Variants in CACNA2D4 observed in about 807,000 individuals in gnomAD.
The protein encoded by CACNA2D4 is calcium voltage-gated channel auxiliary subunit alpha2delta 4.
In CACNA2D4, 157 loss-of-function variants were observed where a neutral mutation model predicts 163.8. The ratio of observed to expected loss-of-function variants is 0.96; its 90% CI spans 0.84 to 1.09. CACNA2D4 has a LOEUF of 1.09. Among genes scored for constraint, CACNA2D4 ranks in the 50% least tolerant of loss-of-function variants. The probability of loss-of-function intolerance (pLI) is 0.00; values close to 1 mark genes in which losing one functional copy is unlikely to be tolerated. For synonymous variants in CACNA2D4, 598 were observed against 586.9 expected (o/e 1.02, Z -0.27); for missense variants, 1,410 against 1,479.9 (o/e 0.95, Z 0.78).
At chr12:1,890,682 C>T (rs1300303876) in intron 6 of CACNA2D4, among the ~76,000 whole-genome samples, 2 of 152,228 alleles carry the variant, frequency 1.3e-5, no homozygotes, top group Non-Finnish European at 2.9e-5. Context: ...GGGATCACCC[C>T]ACCCTTGCCT....
At chr12:1,838,385 C>T (rs924315650) in intron 26 of CACNA2D4, among the ~76,000 whole-genome samples, 1 of 152,220 alleles carries the variant, frequency 6.6e-6, no homozygotes, top group Non-Finnish European at 1.5e-5. Flanking sequence ...GGCGCTCACA[C>T]GCTTACAGTG....
At chr12:1,837,759 A>G (rs868597025) in intron 26 of CACNA2D4, among the ~76,000 whole-genome samples, 1 of 152,068 alleles carries the variant, frequency 6.6e-6, no homozygotes, top group Non-Finnish European at 1.5e-5. Flanking sequence ...TATAGCCCTA[A>G]TAATTATAGC....
In CACNA2D4 at chr12:1,854,874, A is replaced by G. The variant is rs560552207; in HGVS notation, c.2153-830T>C. ...CTTTATTGAGGTAAAATTCACATAAAATGAAACTGACCAATTTAAAGTATG... is the reference window on the plus strand; with the variant it reads ...CTTTATTGAGGTAAAATTCACATAAGATGAAACTGACCAATTTAAAGTATG... On this transcript the variant is annotated intron_variant, in intron 22 of 37. Transcript: ENST00000382722. Among the ~76,000 whole-genome samples, 4 of 152,314 alleles carry G rather than the reference A, an allele frequency of 2.6e-5. No individual in the cohort carries two copies. The South Asian group carries it at 8.3e-4, about 32-fold the overall frequency.
intron 27 of CACNA2D4, among the ~76,000 whole-genome samples, chr12:1,810,788 G>T (rs548037484): frequency 6.6e-6 from 1 of 152,188 alleles, no homozygotes; most frequent in Non-Finnish European, 1.5e-5. Flanking sequence ...TGTGTGAGGT[G>T]TGTGCATGTG....
chr12:1,907,641 G>A (rs961500890), intron 5 of CACNA2D4, 70 bp from the exon 6 acceptor site: 42 of 1,434,340 alleles, frequency 2.9e-5, no homozygotes, highest in Non-Finnish European at 3.8e-5. Context: ...GCCCGGTGAG[G>A]GTGCCTGGTG....
At chr12:1,861,079 C>A (rs183665254) in intron 18 of CACNA2D4, among the ~76,000 whole-genome samples, 22 of 152,336 alleles carry the variant, frequency 1.4e-4, no homozygotes, top group African/African-American at 5.3e-4. Flanking sequence ...ATTGGGAAAG[C>A]CACATTTTGC....
At position 1,806,978 on chromosome 12, in the gene CACNA2D4, G is replaced by A. The variant is rs559864538; in HGVS notation, c.2721+3300C>T. Reference sequence around the variant, plus strand: ...GGGTCGGTTGGTGGGAGTTGGTGGTGGGCAGACTCTAAAGTGGTTCACAAT... The same window carrying A: ...GGGTCGGTTGGTGGGAGTTGGTGGTAGGCAGACTCTAAAGTGGTTCACAAT... On this transcript the variant is annotated intron_variant, in intron 29 of 37. Coordinates refer to ENST00000382722, the MANE Select transcript of CACNA2D4 (RefSeq NM_172364.5). This position sits in a 1 kb window ranked among gnomAD's most constrained non-coding sequence, Gnocchi z 4.1. 9.7e-4 allele frequency among the ~76,000 whole-genome samples: 148 copies of A among 152,156 alleles called. No individual in the cohort carries two copies. The highest frequency in any genetic ancestry group is 3.3e-3 in the African/African-American group (136 of 41,538).
At chr12:1,826,891 C>A (rs1864354363) in intron 26 of CACNA2D4, among the ~76,000 whole-genome samples, 1 of 152,232 alleles carries the variant, frequency 6.6e-6, no homozygotes, top group Non-Finnish European at 1.5e-5. Flanking sequence ...AGCACTGAAG[C>A]TTCTCGGCAG....
intron 26 of CACNA2D4, among the ~76,000 whole-genome samples, chr12:1,824,821 G>A (rs1400624632): frequency 6.6e-6 from 1 of 152,176 alleles, no homozygotes; most frequent in Non-Finnish European, 1.5e-5. Context: ...ACTAGGGAGT[G>A]CTGGCTGCAG....
At chr12:1,847,144 C>T (rs766852576) in intron 23 of CACNA2D4, among the ~76,000 whole-genome samples, 6 of 152,186 alleles carry the variant, frequency 3.9e-5, no homozygotes, top group East Asian at 1.9e-4. Flanking sequence ...GCAGGCACTG[C>T]ATACACCCAC....
chr12:1,884,909 C>T (rs753661048), intron 10 of CACNA2D4, 28 bp from the exon 11 acceptor site: 3 of 1,607,060 alleles, frequency 1.9e-6, no homozygotes, highest in Admixed American at 3.3e-5. Flanking sequence ...GTGCCCATGA[C>T]CACAGGCCAA....
At chr12:1,814,731 T>C in intron 26 of CACNA2D4, among the ~76,000 whole-genome samples, 1 of 152,234 alleles carries the variant, frequency 6.6e-6, no homozygotes, top group East Asian at 1.9e-4. Context: ...CAAGCCAACA[T>C]TGCTCTCACT....
chr12:1,831,009 C>T (rs1864600073), intron 26 of CACNA2D4: 1 of 1,614,022 alleles, frequency 6.2e-7, no homozygotes, highest in Non-Finnish European at 8.5e-7. Context: ...GTGTGACAGC[C>T]GCAGCCTGGA....
chr12:1,801,457 T>C (rs1863325537), intron 30 of CACNA2D4, 117 bp downstream of exon 30: 1 of 882,884 alleles, frequency 1.1e-6, no homozygotes. Context: ...TGCAGCTCTT[T>C]GGGGGCACCC....
chr12:1,809,682 G>A, intron 29 of CACNA2D4: 1 of 638,318 alleles, frequency 1.6e-6, no homozygotes, highest in South Asian at 1.8e-5. Flanking sequence ...GATACCCACA[G>A]CCAGCGGGGG....
intron 3 of CACNA2D4, among the ~76,000 whole-genome samples, chr12:1,911,013 G>A (rs959791176): frequency 4.1e-5 from 6 of 144,936 alleles, no homozygotes; most frequent in Admixed American, 7.0e-5. Context: ...GTATTTTACC[G>A]CAATACAATT....
rs931572527 is a variant in CACNA2D4 at position 1,792,452 on chromosome 12, C to G, written c.*1203G>C. 1 of 152,070 alleles carries G rather than the reference C, an allele frequency of 6.6e-6. No individual in the cohort carries two copies. The highest frequency in any genetic ancestry group is 1.5e-5 in the Non-Finnish European group (1 of 68,038). The allele number at this position is 152,070 out of a possible 1,614,324, so 9.4% of individuals were successfully genotyped here. A position where few individuals can be genotyped will look rare whatever the true frequency, so the allele number is the denominator to read the frequency against. ...GTGGAGGCTGAGGGTGATGGAGGAG[C>G]GGGGGGAAGCGCCCCAAAAGCCCTG... is the stretch of plus-strand genomic sequence containing the variant. On this transcript the variant is annotated 3_prime_UTR_variant, in exon 38 of 38. Transcript: ENST00000382722.
rs180862744 is a variant in CACNA2D4, at chr12:1,836,181, A to C, written c.2551+4558T>G. On this transcript the variant is annotated intron_variant, in intron 26 of 37. Coordinates refer to ENST00000382722, the MANE Select transcript of CACNA2D4 (RefSeq NM_172364.5). ...TGGGGAGCCTGTCTGGGACAGAGCC[A>C]CCTGCTGCCAAGGCAGTGCAAGTTT... The C allele has an allele frequency of 7.6e-3, 1,161 of 152,612 alleles. 7 individuals carry two copies. The highest frequency in any genetic ancestry group is 0.014 in the Middle Eastern group (4 of 294). The allele number at this position is 152,612 out of a possible 1,614,324, so 9.5% of individuals were successfully genotyped here. A position where few individuals can be genotyped will look rare whatever the true frequency, so the allele number is the denominator to read the frequency against.
Position 1,829,381 on chromosome 12 carries a change from C to T in CACNA2D4, c.2551+11358G>A, listed in dbSNP as rs369177787. ...TGGGGCTGGCTGATCTGGTAGCAGA[C>T]GGGCTCAGAGGGGTGAGAGGGTGAG... On this transcript the variant is annotated intron_variant, in intron 26 of 37. Coordinates refer to ENST00000382722, the MANE Select transcript of CACNA2D4 (RefSeq NM_172364.5). The surrounding 1 kb of genome is among the most constrained non-coding windows in gnomAD (Gnocchi z 4.2). Among the ~76,000 whole-genome samples the T allele has an allele frequency of 6.6e-5, 10 of 152,094 alleles. No homozygotes were observed. The highest frequency in any genetic ancestry group is 1.9e-4 in the East Asian group (1 of 5,148).
Sources: allele counts gnomAD v4.1 joint callset (sites outside exome capture counted in the v4.1 genomes callset), GRCh38; gene constraint gnomAD v4.1.1; non-coding constraint Gnocchi (gnomAD v3.1); transcripts MANE v1.5; gene names NCBI Gene and HGNC (gene_info 2026-07-23, HGNC 2026-07-21).